The following HECW2 variants were observed in gnomAD, a reference collection of about 807,000 sequenced individuals.
The protein encoded by HECW2 is E3 ubiquitin-protein ligase HECW2.
HECW2 carries 61 observed loss-of-function variants against 175.2 expected under a neutral mutation model. The observed-to-expected ratio is 0.35, with a 90% CI of 0.28 to 0.43. The LOEUF (loss-of-function observed/expected upper bound fraction) is 0.43, where lower values mean the gene tolerates loss of function less well. Among genes scored for constraint, HECW2 ranks in the 20% least tolerant of loss-of-function variants. The pLI is 1.00. For synonymous variants in HECW2, 671 were observed against 731.0 expected (o/e 0.92, Z 1.32); for missense variants, 1,524 against 2,000.5 (o/e 0.76, Z 4.54).
chr2:196,248,627 C>CAGAGAGAGAG (rs1229374411), intron 19 of HECW2, among the ~76,000 whole-genome samples: 2 of 148,760 alleles, frequency 1.3e-5, no homozygotes, highest in African/African-American at 5.1e-5. Context: ...CACACACACA[C>CAGAGAGAGAG]ACACAGAGAG....
rs117743432 is a variant in HECW2 at position 196,365,203 on chromosome 2, T to C, written c.293-21439A>G. ...TTCCCCAAAGCTCGCAGAATATTTATTGCAAGTAAAGCAGGGAAGAGCAAA... is the reference window on the plus strand; with the variant it reads ...TTCCCCAAAGCTCGCAGAATATTTACTGCAAGTAAAGCAGGGAAGAGCAAA... On this transcript the variant is annotated intron_variant, in intron 2 of 28. Coordinates refer to ENST00000644978, the MANE Select transcript of HECW2 (RefSeq NM_001348768.2). Among the ~76,000 whole-genome samples the C allele has an allele frequency of 5.4e-3, 817 of 152,360 alleles. 8 individuals are homozygous for C. The highest frequency in any genetic ancestry group is 0.02 in the Middle Eastern group (6 of 294).
At chr2:196,209,985 C>G (rs11687028) in intron 28 of HECW2, among the ~76,000 whole-genome samples, 43,049 of 151,924 alleles carry the variant, frequency 0.28, 6,398 homozygotes, top group East Asian at 0.54. Flanking sequence ...GGATGGTCTC[C>G]ATCTCCTGAC....
chr2:196,231,176 CCT>C, intron 21 of HECW2, among the ~76,000 whole-genome samples: 2 of 151,432 alleles, frequency 1.3e-5, no homozygotes, highest in South Asian at 4.2e-4. Flanking sequence ...GACTTAGTCC[CCT>C]GTGTCTTTTA....
intron 3 of HECW2, among the ~76,000 whole-genome samples, chr2:196,340,732 T>C (rs978263995): frequency 2.0e-5 from 3 of 152,068 alleles, no homozygotes; most frequent in African/African-American, 7.2e-5. Flanking sequence ...AGTGCTTCAT[T>C]CTGATTAATG....
At chr2:196,367,876 T>TGTGTGTG (rs1553508124) in intron 2 of HECW2, among the ~76,000 whole-genome samples, 4,521 of 144,926 alleles carry the variant, frequency 0.031, 106 homozygotes, top group African/African-American at 0.043. Context: ...GTGTGTGTGT[T>TGTGTGTG]TGTGTGTGTG....
rs576373236 is a variant in HECW2 at position 196,277,724 on chromosome 2, T to C, written c.3135+804A>G. ...CACAATAGCAAAGACTTGGAACCAA[T>C]CCAAATGTCCAACAATGATAGACTG... On this transcript the variant is annotated intron_variant, in intron 15 of 28. Coordinates refer to ENST00000644978, the MANE Select transcript of HECW2 (RefSeq NM_001348768.2). 3.2e-4 allele frequency among the ~76,000 whole-genome samples: 49 copies of C among 151,954 alleles called. 1 individual carries two copies. In the South Asian group the frequency reaches 7.9e-3, roughly 25 times the overall value.
intron 2 of HECW2, among the ~76,000 whole-genome samples, chr2:196,349,069 G>A (rs899836634): frequency 1.3e-5 from 2 of 152,060 alleles, no homozygotes; most frequent in African/African-American, 2.4e-5. Flanking sequence ...TGGTGCCTGC[G>A]GCACCCTCTT....
chr2:196,250,883 G>A (rs537998828), intron 19 of HECW2, among the ~76,000 whole-genome samples: 1 of 152,090 alleles, frequency 6.6e-6, no homozygotes, highest in Non-Finnish European at 1.5e-5. Context: ...CGTGAAAAGA[G>A]CATTTGACTT....
At chr2:196,482,537 C>T (rs867829550) in intron 1 of HECW2, among the ~76,000 whole-genome samples, 1 of 152,180 alleles carries the variant, frequency 6.6e-6, no homozygotes, top group African/African-American at 2.4e-5. Flanking sequence ...ACAGGGTATT[C>T]ATAGCAGACA....
At chr2:196,275,848 C>T (rs6710182) in intron 15 of HECW2, among the ~76,000 whole-genome samples, 26,598 of 151,998 alleles carry the variant, frequency 0.17, 5,627 homozygotes, top group African/African-American at 0.51. Flanking sequence ...TTGGTGTTAA[C>T]TTGTTAGATG....
At chr2:196,217,215 T>A (rs555732669) in intron 26 of HECW2, 122 bp from the exon 27 acceptor site, 2 of 661,652 alleles carry the variant, frequency 3.0e-6, no homozygotes, top group African/African-American at 1.9e-5. Flanking sequence ...AAGTTGTCTA[T>A]AATTTTAAGA....
chr2:196,201,339 A>T lies in HECW2; in HGVS notation c.4657T>A (p.Ser1553Thr). ...RLDLPPYPSF[S>T]MLYEKLLTAV... ...GTCAACAGTTTTTCATAAAGCATGG[A>T]AAAGGATGGGTAGGGAGGCAGATCC... Residue 1553 changes from serine (S) to threonine (T), a missense_variant, in exon 29 of 29, where the codon TCC (serine) becomes ACC (threonine). Coordinates refer to ENST00000644978, the MANE Select transcript of HECW2 (RefSeq NM_001348768.2). 1 of 1,613,540 alleles carries T rather than the reference A, an allele frequency of 6.2e-7. No individual in the cohort carries two copies. The highest frequency in any genetic ancestry group is 8.5e-7 in the Non-Finnish European group (1 of 1,179,484).
At chr2:196,305,948 G>T (rs1373668869) in intron 13 of HECW2, among the ~76,000 whole-genome samples, 2 of 152,050 alleles carry the variant, frequency 1.3e-5, no homozygotes, top group African/African-American at 4.8e-5. Flanking sequence ...GGAGACTCGT[G>T]GAATAATCCT....
chr2:196,202,994 CAA>C (rs1462856757), intron 28 of HECW2, among the ~76,000 whole-genome samples: 2 of 152,080 alleles, frequency 1.3e-5, no homozygotes, highest in East Asian at 3.8e-4. Flanking sequence ...GTTCATGAAA[CAA>C]AGTTTTGACC....
chr2:196,407,579 C>T (rs1694997765), intron 2 of HECW2, among the ~76,000 whole-genome samples: 1 of 152,178 alleles, frequency 6.6e-6, no homozygotes. Context: ...CTTTCCCCAA[C>T]ACAGAGAGGA....
At chr2:196,589,324 T>G (rs534579800) in intron 1 of HECW2, among the ~76,000 whole-genome samples, 1 of 152,308 alleles carries the variant, frequency 6.6e-6, no homozygotes, top group South Asian at 2.1e-4. Flanking sequence ...CTGGCCAACA[T>G]AGTAAGTGAG....
In HECW2 at chr2:196,306,464, C is replaced by G. The variant is rs115718448; in HGVS notation, c.2814+24G>C. 3.3e-5 allele frequency: 52 copies of G among 1,590,094 alleles called. No homozygotes were observed. In the African/African-American group the frequency reaches 6.6e-4, roughly 20 times the overall value. ...TGCTTTGGCCTGCTGTTTTCCTTCA[C>G]ACTCTTTCAGATTCGCTACTCACAG... On this transcript the variant is annotated intron_variant, in intron 13 of 28. Transcript: ENST00000644978.
chr2:196,576,862 A>T (rs1009185542), intron 1 of HECW2, among the ~76,000 whole-genome samples: 17 of 152,228 alleles, frequency 1.1e-4, no homozygotes, highest in Admixed American at 1.1e-3. Context: ...TAAAGCTGGA[A>T]AAAGGTTTAT....
chr2:196,506,136 A>C (rs541188928), intron 1 of HECW2, among the ~76,000 whole-genome samples: 15 of 152,288 alleles, frequency 9.8e-5, no homozygotes, highest in African/African-American at 3.1e-4. Flanking sequence ...ATGGACCTTA[A>C]AAATGCATTC....
Sources: gnomAD v4.1 joint callset for allele counts (sites outside exome capture counted in the v4.1 genomes callset) on GRCh38, gnomAD v4.1.1 for gene constraint, MANE v1.5 for transcripts, NCBI Gene and HGNC (gene_info 2026-07-23, HGNC 2026-07-21) for gene names.